Variants in DPAGT1 observed in about 807,000 individuals in gnomAD.
DPAGT1 encodes dolichyl-phosphate N-acetylglucosaminephosphotransferase 1.
A neutral mutation model predicts 39.3 loss-of-function variants in DPAGT1; 25 were observed. The ratio of observed to expected loss-of-function variants is 0.64; its 90% CI spans 0.46 to 0.89. The LOEUF is 0.89. Ranked by LOEUF, DPAGT1 falls within the 40% of genes least tolerant of loss-of-function variation. DPAGT1 has a pLI of 0.00. For synonymous variants in DPAGT1, 193 were observed against 201.4 expected (o/e 0.96, Z 0.36); for missense variants, 381 against 500.6 (o/e 0.76, Z 2.28).
Position 119,101,143 on chromosome 11 carries a change from G to A in DPAGT1, c.162-5C>T. On this transcript the variant is annotated splice_region_variant and splice_polypyrimidine_tract_variant and intron_variant, in intron 1 of 8. Coordinates refer to ENST00000354202, the MANE Select transcript of DPAGT1 (RefSeq NM_001382.4). The stretch of plus-strand genomic sequence containing the variant: ...ATCACTCCCTGGGATTCTGGGCTGT[G>A]GCCCAGCAGCAAGGGGGCGAGGGGG... 1.2e-6 allele frequency: 2 copies of A among 1,614,006 alleles called. No individual in the cohort carries two copies. Among genetic ancestry groups the A allele is most frequent in the Non-Finnish European group, 1.7e-6 (2 of 1,180,024 alleles).
intron 4 of DPAGT1, among the ~76,000 whole-genome samples, chr11:119,099,991 T>C (rs1278801347): frequency 6.6e-6 from 1 of 152,134 alleles, no homozygotes; most frequent in Admixed American, 6.5e-5. Context: ...AATGACCCTG[T>C]GTAACGTTGG....
Position 119,097,637 on chromosome 11 carries a change from G to C in DPAGT1, c.918-86C>G, listed in dbSNP as rs1330878073. 6.6e-7 allele frequency: 1 copy of C among 1,512,282 alleles called. No homozygotes were observed. The highest frequency in any genetic ancestry group is 9.2e-7 in the Non-Finnish European group (1 of 1,088,946). 93.7% of individuals were successfully genotyped at this position (1,512,282 alleles called of 1,614,324 possible). ...TAATAGGAAGAGCATTGAATGTGGA[G>C]TCAACCTGAGATCTATTTCTGGCTC... is the stretch of plus-strand genomic sequence containing the variant. On this transcript the variant is annotated intron_variant, in intron 6 of 8. Coordinates refer to ENST00000354202, the MANE Select transcript of DPAGT1 (RefSeq NM_001382.4). The surrounding 1 kb of genome is among the most constrained non-coding windows in gnomAD (Gnocchi z 4.6).
rs569813350 is a variant in DPAGT1 at position 119,097,983 on chromosome 11, G to C, written c.789C>G (p.Ala263=). 2 of 1,614,082 alleles carry C rather than the reference G, an allele frequency of 1.2e-6. No individual in the cohort carries two copies. Among genetic ancestry groups the C allele is most frequent in the African/African-American group, 2.7e-5 (2 of 74,924 alleles). ...TFCYFAGMTF[A]VVGILGHFSK... is the part of the protein sequence containing the mutation. ...TGAAGTGTCCCAAGATGCCCACCACGGCAAAGGTCATGCCAGCAAAGTAAC... is the reference window on the plus strand; with the variant it reads ...TGAAGTGTCCCAAGATGCCCACCACCGCAAAGGTCATGCCAGCAAAGTAAC... The change falls in exon 6 of 9, where the codon GCC becomes GCG. Residue 263 remains alanine (A), a synonymous_variant. Transcript: ENST00000354202. This position sits in a 1 kb window ranked among gnomAD's most constrained non-coding sequence, Gnocchi z 4.6.
At chr11:119,095,172 T>G, downstream of DPAGT1, 2 of 1,613,956 alleles carry the variant, frequency 1.2e-6, no homozygotes, top group Non-Finnish European at 1.7e-6. Flanking sequence ...CGCGTCTTCT[T>G]GTTGTCGCGG....
downstream of DPAGT1, chr11:119,095,554 T>C: frequency 2.5e-6 from 2 of 787,542 alleles, no homozygotes; most frequent in East Asian, 6.0e-5. Context: ...AATACCCGCC[T>C]CCGGTTGGTT....
In DPAGT1 at chr11:119,097,713, G is replaced by T; in HGVS notation, c.917+142C>A. 3 of 1,439,672 alleles carry T rather than the reference G, an allele frequency of 2.1e-6. No individual in the cohort carries two copies. The highest frequency in any genetic ancestry group is 2.1e-4 in the Middle Eastern group (1 of 4,870). The allele number at this position is 1,439,672 out of a possible 1,614,324, so 89.2% of individuals were successfully genotyped here. On this transcript the variant is annotated intron_variant, in intron 6 of 8. Coordinates refer to ENST00000354202, the MANE Select transcript of DPAGT1 (RefSeq NM_001382.4). The surrounding 1 kb of genome is among the most constrained non-coding windows in gnomAD (Gnocchi z 4.6). ...TGTAGCAGATTATGCAAATAAATGT[G>T]CTTTGTAAGTTATAAAGGGCTACTC...
chr11:119,097,257 T>C lies in DPAGT1; in HGVS notation c.1046A>G (p.Glu349Gly). Reference protein sequence around the residue: ...SLQLVTVHQSETEDGEFTECN... With the variant: ...SLQLVTVHQSGTEDGEFTECN... ...TTCAGTGAATTCACCATCTTCAGTC[T>C]CACTCTGGTGTACTGTCACCAGCTG... Residue 349 changes from glutamate (E) to glycine (G), a missense_variant, in exon 8 of 9, where the codon GAG (glutamate) becomes GGG (glycine). Coordinates refer to ENST00000354202, the MANE Select transcript of DPAGT1 (RefSeq NM_001382.4). The surrounding 1 kb of genome is among the most constrained non-coding windows in gnomAD (Gnocchi z 4.6). The C allele has an allele frequency of 6.2e-7, 1 of 1,614,226 alleles. No individual in the cohort carries two copies.
rs1946500662 is a variant in DPAGT1, at chr11:119,101,273, A to G, written c.162-135T>C. ...TTCTGGTAAGTGGTGAGGGGGGCGG[A>G]GGGAGGAAAGCACCACTGCCAGAGT... On this transcript the variant is annotated intron_variant, in intron 1 of 8. Transcript: ENST00000354202. 9 of 1,388,862 alleles carry G rather than the reference A, an allele frequency of 6.5e-6. No individual in the cohort carries two copies. In the South Asian group the frequency reaches 7.4e-5, roughly 11 times the overall value. The allele number at this position is 1,388,862 out of a possible 1,614,324, so 86.0% of individuals were successfully genotyped here.
rs749390813 is a variant in DPAGT1 at position 119,101,076 on chromosome 11, G to C, written c.224C>G (p.Pro75Arg). 6.2e-7 allele frequency: 1 copy of C among 1,614,188 alleles called. No homozygotes were observed. The highest frequency in any genetic ancestry group is 8.5e-7 in the Non-Finnish European group (1 of 1,180,038). The change falls in exon 2 of 9, where the codon CCT becomes CGT. Residue 75 changes from proline to arginine, a missense_variant. Coordinates refer to ENST00000354202, the MANE Select transcript of DPAGT1 (RefSeq NM_001382.4). ...CACAAAGCAGTTCAGGAAGGGGAAA[G>C]GGATGAAGCAGAAGAGGATGATAAG... Reference protein sequence around the residue: ...VFLIILFCFIPFPFLNCFVKE... With the variant: ...VFLIILFCFIRFPFLNCFVKE...
chr11:119,101,243 T>G, intron 1 of DPAGT1, 105 bp from the exon 2 acceptor site: 1 of 1,553,406 alleles, frequency 6.4e-7, no homozygotes, highest in Non-Finnish European at 8.7e-7. Context: ...ATTCCCGGTT[T>G]TTTATTCTGG....
Position 119,097,581 on chromosome 11 carries a change from G to A in DPAGT1, c.918-30C>T. On this transcript the variant is annotated intron_variant, in intron 6 of 8. Transcript: ENST00000354202. This position sits in a 1 kb window ranked among gnomAD's most constrained non-coding sequence, Gnocchi z 4.6. ...GGGGGGAAGATAGCTTCATGTGACTGGGCCACTATTTGAACCCTCCTCCCT... is the reference window on the plus strand; with the variant it reads ...GGGGGGAAGATAGCTTCATGTGACTAGGCCACTATTTGAACCCTCCTCCCT... 1 of 1,612,002 alleles carries A rather than the reference G, an allele frequency of 6.2e-7. No individual in the cohort carries two copies. Among genetic ancestry groups the A allele is most frequent in the Non-Finnish European group, 8.5e-7 (1 of 1,178,102 alleles).
Position 119,097,677 on chromosome 11 carries a change from A to G in DPAGT1, c.918-126T>C, listed in dbSNP as rs1946422652. 7.0e-7 allele frequency: 1 copy of G among 1,419,944 alleles called. No homozygotes were observed. The highest frequency in any genetic ancestry group is 1.7e-5 in the Admixed American group (1 of 58,950). 88.0% of individuals were successfully genotyped at this position (1,419,944 alleles called of 1,614,324 possible). On this transcript the variant is annotated intron_variant, in intron 6 of 8. Coordinates refer to ENST00000354202, the MANE Select transcript of DPAGT1 (RefSeq NM_001382.4). This position sits in a 1 kb window ranked among gnomAD's most constrained non-coding sequence, Gnocchi z 4.6. ...ATTTCTGGCTCTGCTGCTTACTGTT[A>G]TCAGAACCACTGTAGCAGATTATGC...
chr11:119,095,248 T>C (rs763678389), downstream of DPAGT1: 12 of 1,613,400 alleles, frequency 7.4e-6, 1 homozygote, highest in South Asian at 1.3e-4. Context: ...CCAGGTACAC[T>C]GGCGCGCCGG....
At position 119,096,674 on chromosome 11, in the gene DPAGT1, A is replaced by G. The variant is rs541589857; in HGVS notation, c.*324T>C. On this transcript the variant is annotated 3_prime_UTR_variant, in exon 9 of 9. Coordinates refer to ENST00000354202, the MANE Select transcript of DPAGT1 (RefSeq NM_001382.4). ...TCCCAAAAACCAGTGGTTCCTTGAG[A>G]GTCAGGACTCTGAAATGTGAGTGTG... The G allele has an allele frequency of 7.2e-5, 32 of 442,186 alleles. No homozygotes were observed. Among genetic ancestry groups the G allele is most frequent in the East Asian group, 4.7e-4 (10 of 21,228 alleles). The allele number at this position is 442,186 out of a possible 1,614,324, so 27.4% of individuals were successfully genotyped here. A position where few individuals can be genotyped will look rare whatever the true frequency, so the allele number is the denominator to read the frequency against.
Position 119,101,074 on chromosome 11 carries a change from A to G in DPAGT1, c.226T>C (p.Phe76Leu), listed in dbSNP as rs1946495088. 1.9e-6 allele frequency: 3 copies of G among 1,614,086 alleles called. No individual in the cohort carries two copies. The highest frequency in any genetic ancestry group is 2.5e-6 in the Non-Finnish European group (3 of 1,180,050). The change falls in exon 2 of 9, where the codon TTC (phenylalanine) becomes CTC (leucine). Residue 76 changes from phenylalanine (F) to leucine (L), a missense_variant. Phe to Leu is a conservative substitution (Grantham distance 22). Transcript: ENST00000354202. ...TTCACAAAGCAGTTCAGGAAGGGGA[A>G]AGGGATGAAGCAGAAGAGGATGATA... ...FLIILFCFIP[F>L]PFLNCFVKEQ...
At chr11:119,095,194 C>T (rs747002062), downstream of DPAGT1, 18 of 1,614,002 alleles carry the variant, frequency 1.1e-5, no homozygotes, top group Non-Finnish European at 1.4e-5. Context: ...CCGCATTGCC[C>T]GCCAGCTCCA....
chr11:119,098,037 T>A lies in DPAGT1; in HGVS notation c.735A>T (p.Pro245=). 1.2e-6 allele frequency: 2 copies of A among 1,614,116 alleles called. No individual in the cohort carries two copies. The highest frequency in any genetic ancestry group is 1.7e-6 in the Non-Finnish European group (2 of 1,180,002). ...TLGLLYHNWY[P]SRVFVGDTFC... ...AGGTATCTCCCACAAACACCCGTGATGGGTACCTGTGTGGGGGAAGAGGAT... is the reference window on the plus strand; with the variant it reads ...AGGTATCTCCCACAAACACCCGTGAAGGGTACCTGTGTGGGGGAAGAGGAT... The change falls in exon 6 of 9, where the codon CCA becomes CCT. Residue 245 remains proline, a synonymous_variant. Coordinates refer to ENST00000354202, the MANE Select transcript of DPAGT1 (RefSeq NM_001382.4).
chr11:119,098,552 T>C, intron 4 of DPAGT1, 65 bp from the exon 5 acceptor site: 2 of 1,552,078 alleles, frequency 1.3e-6, no homozygotes, highest in Non-Finnish European at 1.8e-6. Flanking sequence ...CTTGGTCCTA[T>C]TTTTGTCTAA....
chr11:119,096,331 C>T (rs907537025), downstream of DPAGT1, among the ~76,000 whole-genome samples: 1 of 152,102 alleles, frequency 6.6e-6, no homozygotes, highest in Admixed American at 6.6e-5. Context: ...CATGCCACCT[C>T]TAGTATCAGG....
Sources: allele counts gnomAD v4.1 joint callset (sites outside exome capture counted in the v4.1 genomes callset), GRCh38; gene constraint gnomAD v4.1.1; non-coding constraint Gnocchi (gnomAD v3.1); transcripts MANE v1.5; gene names NCBI Gene and HGNC (gene_info 2026-07-23, HGNC 2026-07-21).